Variants in NR5A2 observed in about 807,000 individuals in gnomAD.
NR5A2 encodes CYP7A promoter-binding factor.
Under a neutral mutation model 62.7 loss-of-function variants are expected in NR5A2, and 26 were observed. That is an observed-to-expected ratio of 0.41 (90% CI 0.30 to 0.58). The LOEUF (loss-of-function observed/expected upper bound fraction) is 0.58, where lower values mean the gene tolerates loss of function less well. Among genes scored for constraint, NR5A2 ranks in the 20% least tolerant of loss-of-function variants. The pLI is 0.22. For missense variants in NR5A2, 541 were observed against 669.1 expected (o/e 0.81, Z 2.11); for synonymous variants, 246 against 241.7 (o/e 1.02, Z -0.16).
chr1:200,085,446 C>A (rs985755324), intron 5 of NR5A2, among the ~76,000 whole-genome samples: 1 of 152,164 alleles, frequency 6.6e-6, no homozygotes, highest in Non-Finnish European at 1.5e-5. Flanking sequence ...ATTAGGCAGG[C>A]CTTGGAGTCA....
intron 2 of NR5A2, among the ~76,000 whole-genome samples, chr1:200,041,727 A>G (rs970130758): frequency 6.6e-6 from 1 of 151,982 alleles, no homozygotes; most frequent in Non-Finnish European, 1.5e-5. Context: ...CATCTGGGAA[A>G]CTCTGAAAGG....
At chr1:200,113,558 G>C (rs2816974) in intron 6 of NR5A2, among the ~76,000 whole-genome samples, 64,645 of 152,058 alleles carry the variant, frequency 0.43, 14,229 homozygotes, top group East Asian at 0.68. Flanking sequence ...TCTTAAAGCA[G>C]GGTCATATAC....
chr1:200,118,442 T>C (rs1666341428), intron 6 of NR5A2, among the ~76,000 whole-genome samples: 1 of 152,236 alleles, frequency 6.6e-6, no homozygotes, highest in Admixed American at 6.5e-5. Flanking sequence ...ATCATAGAAG[T>C]GAGAGGTACC....
intron 1 of NR5A2, among the ~76,000 whole-genome samples, chr1:200,032,961 C>T (rs956148964): frequency 1.3e-5 from 2 of 152,194 alleles, no homozygotes; most frequent in African/African-American, 4.8e-5. Context: ...GCTTAAGAAA[C>T]ATATTTGTAA....
intron 7 of NR5A2, among the ~76,000 whole-genome samples, chr1:200,128,337 GT>G (rs936123822): frequency 1.3e-5 from 2 of 152,174 alleles, no homozygotes; most frequent in Non-Finnish European, 2.9e-5. Flanking sequence ...TGTCAGTTTT[GT>G]TTTTCTCTAT....
chr1:200,148,063 CG>C, intron 7 of NR5A2: 2 of 288,938 alleles, frequency 6.9e-6, no homozygotes, highest in Admixed American at 1.0e-4. Context: ...CCCATGCAGT[CG>C]GGGCCCGCCT....
intron 5 of NR5A2, among the ~76,000 whole-genome samples, chr1:200,069,416 A>G (rs1267307548): frequency 6.6e-6 from 1 of 151,970 alleles, no homozygotes; most frequent in Non-Finnish European, 1.5e-5. Context: ...ATGCACCACC[A>G]TGCTTGGCTA....
chr1:200,119,783 C>T (rs1311556445), intron 6 of NR5A2, among the ~76,000 whole-genome samples: 6 of 152,266 alleles, frequency 3.9e-5, no homozygotes, highest in Admixed American at 6.5e-5. Context: ...CATGCCACCA[C>T]GCCCAGCCAA....
At position 200,066,588 on chromosome 1, in the gene NR5A2, C is replaced by CTTTTTTT. The variant is rs756874909; in HGVS notation, c.1110+17781_1110+17787dup. ...CCCTGCCATCTATTTAATTAATTAT[C>CTTTTTTT]TTTTTTTTTTTTTTTTTGAGAGGGA... On this transcript the variant is annotated intron_variant, in intron 5 of 7. Transcript: ENST00000367362. Among the ~76,000 whole-genome samples, 192 of 113,118 alleles carry CTTTTTTT rather than the reference C, an allele frequency of 1.7e-3. 15 individuals are homozygous for CTTTTTTT. The highest frequency in any genetic ancestry group is 5.1e-3 in the Middle Eastern group (1 of 198). The allele number at this position is 113,118 out of a possible 152,430, so 74.2% of individuals were successfully genotyped here. A position where few individuals can be genotyped will look rare whatever the true frequency, so the allele number is the denominator to read the frequency against.
intron 2 of NR5A2, 89 bp from the exon 3 acceptor site, chr1:200,043,685 C>T: frequency 2.7e-6 from 2 of 738,234 alleles, no homozygotes; most frequent in South Asian, 2.1e-5. Context: ...GATATTTGCC[C>T]AGCAATCACC....
At chr1:200,093,019 G>A (rs965196884) in intron 5 of NR5A2, among the ~76,000 whole-genome samples, 2 of 151,700 alleles carry the variant, frequency 1.3e-5, no homozygotes, top group African/African-American at 4.8e-5. Flanking sequence ...GAGTAGCTGG[G>A]ATTACAGGCA....
chr1:200,101,283 C>CATATATGA (rs1474810637), intron 5 of NR5A2, among the ~76,000 whole-genome samples: 3 of 152,054 alleles, frequency 2.0e-5, no homozygotes, highest in African/African-American at 7.2e-5. Flanking sequence ...GAGTCCCCAG[C>CATATATGA]ACTAATATAT....
chr1:200,134,373 A>AT (rs1371422344), intron 7 of NR5A2, among the ~76,000 whole-genome samples: 26 of 152,022 alleles, frequency 1.7e-4, no homozygotes, highest in Admixed American at 1.2e-3. Flanking sequence ...CAGGTGTGCT[A>AT]TTTTTTATCT....
chr1:200,167,527 C>T (rs1653960848), intron 7 of NR5A2, among the ~76,000 whole-genome samples: 1 of 152,166 alleles, frequency 6.6e-6, no homozygotes, highest in Non-Finnish European at 1.5e-5. Flanking sequence ...CCCTCACCCT[C>T]CTGCACACAC....
intron 5 of NR5A2, among the ~76,000 whole-genome samples, chr1:200,052,787 G>A (rs909862732): frequency 4.6e-5 from 7 of 151,386 alleles, no homozygotes; most frequent in Admixed American, 2.6e-4. Context: ...GACTACAGGT[G>A]CCTGCCACCA....
intron 7 of NR5A2, among the ~76,000 whole-genome samples, chr1:200,134,106 T>C (rs929500102): frequency 2.0e-5 from 3 of 152,164 alleles, no homozygotes; most frequent in African/African-American, 7.2e-5. Flanking sequence ...AGCTGTGTTA[T>C]TACAAAGAGT....
intron 5 of NR5A2, among the ~76,000 whole-genome samples, chr1:200,103,789 G>T (rs1371561465): frequency 6.6e-6 from 1 of 152,168 alleles, no homozygotes; most frequent in East Asian, 1.9e-4. Flanking sequence ...AGGGAGATCT[G>T]GTTTAGTGAA....
chr1:200,168,313 G>T (rs1250386555), intron 7 of NR5A2, among the ~76,000 whole-genome samples: 1 of 151,020 alleles, frequency 6.6e-6, no homozygotes, highest in Non-Finnish European at 1.5e-5. Context: ...GGGCTCAAAT[G>T]ATGCTCCTAC....
chr1:200,085,863 G>A (rs192893646), intron 5 of NR5A2, among the ~76,000 whole-genome samples: 24 of 152,256 alleles, frequency 1.6e-4, no homozygotes, highest in African/African-American at 4.8e-4. Context: ...GCAAAAGACC[G>A]ACACAATTTA....
Sources: allele counts gnomAD v4.1 joint callset (sites outside exome capture counted in the v4.1 genomes callset), GRCh38; gene constraint gnomAD v4.1.1; transcripts MANE v1.5; gene names NCBI Gene and HGNC (gene_info 2026-07-23, HGNC 2026-07-21).